CAPN9: variants seen among roughly 807,000 people sequenced by gnomAD.
CAPN9 encodes the protein calpain 9.
A neutral mutation model predicts 92.8 loss-of-function variants in CAPN9; 81 were observed. That is an observed-to-expected ratio of 0.87 (90% CI 0.73 to 1.05). The LOEUF is 1.05. CAPN9 is among the 50% of genes least tolerant of loss of function. The pLI, the probability that CAPN9 is intolerant of heterozygous loss-of-function variation, is 0.00. For missense variants in CAPN9, 848 were observed against 866.2 expected (o/e 0.98, Z 0.26); for synonymous variants, 304 against 328.0 (o/e 0.93, Z 0.79).
chr1:230,786,125 A>G, intron 12 of CAPN9, 108 bp downstream of exon 12: 1 of 1,599,062 alleles, frequency 6.3e-7, no homozygotes, highest in Non-Finnish European at 8.5e-7. Flanking sequence ...GGATGGTTAC[A>G]TGCAATCAAG....
In CAPN9 at chr1:230,795,213, G is replaced by A. The variant is rs1572096031; in HGVS notation, c.1921G>A (p.Asp641Asn). 1 of 1,613,778 alleles carries A rather than the reference G, an allele frequency of 6.2e-7. No homozygotes were observed. The highest frequency in any genetic ancestry group is 8.5e-7 in the Non-Finnish European group (1 of 1,179,890). Residue 641 changes from aspartate to asparagine, a missense_variant, in exon 18 of 20, where the codon GAT (aspartate) becomes AAT (asparagine). Transcript: ENST00000271971. ...GCAGCTGATTGTGCTCAGGTATGCG[G>A]ATGAGGAGCTCCAGCTGGACTTCGA... ...LLQLIVLRYA[D>N]EELQLDFDDF... is the part of the protein sequence containing the mutation.
At chr1:230,782,870 G>T (rs1667321040) in intron 11 of CAPN9, among the ~76,000 whole-genome samples, 1 of 152,138 alleles carries the variant, frequency 6.6e-6, no homozygotes, top group Admixed American at 6.5e-5. Flanking sequence ...TACAAAATTA[G>T]CTGGGCATGG....
At chr1:230,800,249 A>G (rs1383612645) in intron 19 of CAPN9, among the ~76,000 whole-genome samples, 2 of 114,352 alleles carry the variant, frequency 1.7e-5, no homozygotes, top group East Asian at 2.2e-4. Flanking sequence ...AAAGAAAGAA[A>G]GAAAGAAAGA....
At chr1:230,772,304 T>A (rs1343036729) in intron 7 of CAPN9, among the ~76,000 whole-genome samples, 1 of 152,228 alleles carries the variant, frequency 6.6e-6, no homozygotes, top group South Asian at 2.1e-4. Flanking sequence ...CAAGAAAGAC[T>A]TTTACAACAG....
At chr1:230,792,991 G>A in intron 17 of CAPN9, 63 bp downstream of exon 17, 5 of 1,254,898 alleles carry the variant, frequency 4.0e-6, no homozygotes, top group Non-Finnish European at 5.8e-6. Flanking sequence ...TGGGCAACCT[G>A]AGCAGATGGC....
At position 230,794,964 on chromosome 1, in the gene CAPN9, C is replaced by T. The variant is rs1668250950; in HGVS notation, c.1871-199C>T. On this transcript the variant is annotated intron_variant, in intron 17 of 19. Coordinates refer to ENST00000271971, the MANE Select transcript of CAPN9 (RefSeq NM_006615.3). ...GTCCCCCGCACACTCGCCCCTGCAC[C>T]ACAGATTCACACTCTCACGCTGCAT... 7 of 546,470 alleles carry T rather than the reference C, an allele frequency of 1.3e-5. No homozygotes were observed. The South Asian group carries it at 1.5e-4, about 12-fold the overall frequency. The allele number at this position is 546,470 out of a possible 1,614,324, so 33.9% of individuals were successfully genotyped here. A position where few individuals can be genotyped will look rare whatever the true frequency, so the allele number is the denominator to read the frequency against.
chr1:230,780,103 T>C lies in CAPN9; in HGVS notation c.1115-76T>C. On this transcript the variant is annotated intron_variant, in intron 9 of 19. Transcript: ENST00000271971. Reference sequence around the variant, plus strand: ...GTGCGTGTGTGTGTGTGTGTGTGTGTGTGTGTGTGTGTGTGTGTGGTCTTT... The same window carrying C: ...GTGCGTGTGTGTGTGTGTGTGTGTGCGTGTGTGTGTGTGTGTGTGGTCTTT... The C allele has an allele frequency of 5.4e-6, 5 of 926,936 alleles. No individual in the cohort carries two copies. In the South Asian group the frequency reaches 7.8e-5, roughly 15 times the overall value. 57.4% of individuals were successfully genotyped at this position (926,936 alleles called of 1,614,324 possible).
At chr1:230,799,304 C>T (rs1244979211) in intron 19 of CAPN9, among the ~76,000 whole-genome samples, 3 of 152,224 alleles carry the variant, frequency 2.0e-5, no homozygotes, top group African/African-American at 7.2e-5. Context: ...AAGCAGGCTG[C>T]TCGGTGCCTC....
In CAPN9 at chr1:230,762,776, GC is replaced by G. The variant is rs1665726177; in HGVS notation, c.528del (p.Tyr177ThrfsTer4). 2 of 1,613,968 alleles carry G rather than the reference GC, an allele frequency of 1.2e-6. No homozygotes were observed. The highest frequency in any genetic ancestry group is 4.5e-5 in the East Asian group (2 of 44,880). ...GTTCTGGAGCGCCTTGCTGGAAAAAGCCTACGCCAAGTGAGTGACAGCTTCC... is the reference window on the plus strand; with the variant it reads ...GTTCTGGAGCGCCTTGCTGGAAAAAGCTACGCCAAGTGAGTGACAGCTTCC... ...NEFWSALLEK[A>X]YAKLNGSYEA... On this transcript the variant is annotated frameshift_variant, in exon 4 of 20. Coordinates refer to ENST00000271971, the MANE Select transcript of CAPN9 (RefSeq NM_006615.3). LOFTEE classifies it high-confidence loss of function.
intron 1 of CAPN9, among the ~76,000 whole-genome samples, chr1:230,748,006 T>G (rs756800322): frequency 2.6e-5 from 4 of 152,088 alleles, no homozygotes; most frequent in Non-Finnish European, 5.9e-5. Context: ...CAGCAGGTGA[T>G]AGGCACGAAT....
intron 5 of CAPN9, 59 bp downstream of exon 5, chr1:230,767,768 AGGCACTATGCTGG>A: frequency 6.6e-7 from 1 of 1,518,986 alleles, no homozygotes; most frequent in Non-Finnish European, 9.0e-7. Context: ...AGTGCATTCC[AGGCACTATGCTGG>A]GGCTGTACCA....
At chr1:230,754,109 C>T (rs1665050658) in intron 1 of CAPN9, among the ~76,000 whole-genome samples, 1 of 146,192 alleles carries the variant, frequency 6.8e-6, no homozygotes, top group Admixed American at 6.7e-5. Flanking sequence ...CTGAGGCAGG[C>T]TGGGGGAGGG....
chr1:230,777,205 G>A (rs532806678), intron 8 of CAPN9, among the ~76,000 whole-genome samples: 15 of 152,156 alleles, frequency 9.9e-5, no homozygotes, highest in African/African-American at 3.1e-4. Flanking sequence ...TGGTGCAGAC[G>A]GTGGGAGAAG....
At chr1:230,795,372 G>A (rs1668284008) in intron 18 of CAPN9, 93 bp downstream of exon 18, 3 of 744,654 alleles carry the variant, frequency 4.0e-6, no homozygotes, top group Admixed American at 4.0e-5. Context: ...TAAAGTAATG[G>A]CAAAGATAGA....
At chr1:230,762,111 C>T (rs1233945488) in intron 3 of CAPN9, among the ~76,000 whole-genome samples, 1 of 152,248 alleles carries the variant, frequency 6.6e-6, no homozygotes, top group Non-Finnish European at 1.5e-5. Flanking sequence ...TGTCTCCTCA[C>T]TGGCACGCAG....
intron 19 of CAPN9, among the ~76,000 whole-genome samples, chr1:230,798,580 A>G (rs1668492716): frequency 6.7e-6 from 1 of 150,180 alleles, no homozygotes; most frequent in Non-Finnish European, 1.5e-5. Context: ...CAGTTTGCTC[A>G]CTCTCCCTTG....
chr1:230,780,079 T>C (rs1040318380), intron 9 of CAPN9, 100 bp from the exon 10 acceptor site: 10 of 752,342 alleles, frequency 1.3e-5, no homozygotes, highest in Non-Finnish European at 2.1e-5. Flanking sequence ...TAGGTGTATG[T>C]GCGTGTGTGT....
At chr1:230,774,739 C>CTTT (rs747512464) in intron 8 of CAPN9, 108 bp downstream of exon 8, 121 of 386,110 alleles carry the variant, frequency 3.1e-4, no homozygotes, top group East Asian at 6.0e-4. Context: ...TTCTTTCTTT[C>CTTT]TTTTTTTTTT....
chr1:230,763,225 C>T (rs982470476), intron 4 of CAPN9, among the ~76,000 whole-genome samples: 1 of 152,096 alleles, frequency 6.6e-6, no homozygotes, highest in Non-Finnish European at 1.5e-5. Flanking sequence ...TATGACATAT[C>T]GATAAATAAT....
Sources: allele counts gnomAD v4.1 joint callset (sites outside exome capture counted in the v4.1 genomes callset), GRCh38; gene constraint gnomAD v4.1.1; transcripts MANE v1.5; gene names NCBI Gene and HGNC (gene_info 2026-07-23, HGNC 2026-07-21).